FDFT1: variants seen among roughly 807,000 people sequenced by gnomAD.
The protein encoded by FDFT1 is farnesyl-diphosphate farnesyltransferase 1.
FDFT1 carries 68 observed loss-of-function variants against 46.8 expected under a neutral mutation model. The ratio of observed to expected loss-of-function variants is 1.45; its 90% CI spans 1.19 to 1.78. The LOEUF (loss-of-function observed/expected upper bound fraction) is 1.78. Among genes scored for constraint, FDFT1 ranks in the 40% most tolerant of loss-of-function variants. The probability of loss-of-function intolerance (pLI) is 0.00; values close to 1 mark genes in which losing one functional copy is unlikely to be tolerated. For missense variants in FDFT1, 928 were observed against 524.4 expected, an observed-to-expected ratio of 1.77 and a Z score of -7.52; for synonymous variants, 351 against 185.1, an observed-to-expected ratio of 1.90 and a Z score of -7.28.
intron 1 of FDFT1, among the ~76,000 whole-genome samples, chr8:11,805,490 T>C (rs190461041): frequency 2.2e-4 from 34 of 152,332 alleles, no homozygotes; most frequent in Admixed American, 5.9e-4. Context: ...TAGACTAATA[T>C]CTTAAGTCTG....
upstream of FDFT1, among the ~76,000 whole-genome samples, chr8:11,797,638 C>CA (rs34350077): frequency 0.41 from 30,898 of 75,630 alleles, 6,773 homozygotes; most frequent in Middle Eastern, 0.48. Context: ...CACACACACT[C>CA]AAAAAAAAAA....
At chr8:11,815,573 T>A (rs1371997413) in intron 3 of FDFT1, among the ~76,000 whole-genome samples, 1 of 152,256 alleles carries the variant, frequency 6.6e-6, no homozygotes, top group Non-Finnish European at 1.5e-5. Flanking sequence ...GTAACTGGCT[T>A]GAGATGGTAT....
intron 3 of FDFT1, among the ~76,000 whole-genome samples, chr8:11,815,703 C>T (rs1808349967): frequency 6.6e-6 from 1 of 152,142 alleles, no homozygotes; most frequent in South Asian, 2.1e-4. Context: ...CCTTTGCCCA[C>T]TTATTGATGG....
At chr8:11,812,785 T>C (rs1327493959) in intron 3 of FDFT1, among the ~76,000 whole-genome samples, 1 of 152,238 alleles carries the variant, frequency 6.6e-6, no homozygotes, top group African/African-American at 2.4e-5. Context: ...GTACAGTAGA[T>C]TGAACCTGAT....
upstream of FDFT1, chr8:11,801,821 G>T (rs1461310894): frequency 2.6e-6 from 1 of 379,580 alleles, no homozygotes; most frequent in African/African-American, 2.1e-5. Flanking sequence ...AGCCTCCGGA[G>T]TAGTTGGGAC....
At chr8:11,810,909 C>A (rs1298522) in intron 3 of FDFT1, among the ~76,000 whole-genome samples, 2 of 92,718 alleles carry the variant, frequency 2.2e-5, no homozygotes, top group Admixed American at 1.5e-4. Flanking sequence ...ATCTTTGATT[C>A]TTGGGCATAA....
chr8:11,809,910 G>A (rs941782921), intron 3 of FDFT1, 60 bp downstream of exon 3: 1 of 1,318,284 alleles, frequency 7.6e-7, no homozygotes, highest in Non-Finnish European at 1.1e-6. Flanking sequence ...TAACGTGGTT[G>A]TCCGGTAGCC....
intron 1 of FDFT1, chr8:11,808,495 A>C: frequency 7.5e-7 from 1 of 1,327,472 alleles, no homozygotes. Flanking sequence ...TGGAGGAAAA[A>C]CTCCGCGGGG....
At chr8:11,813,219 A>G (rs982033750) in intron 3 of FDFT1, among the ~76,000 whole-genome samples, 1 of 152,354 alleles carries the variant, frequency 6.6e-6, no homozygotes. Context: ...TATACAGTAC[A>G]TGAGCACGTA....
At chr8:11,813,416 T>G (rs556083931) in intron 3 of FDFT1, among the ~76,000 whole-genome samples, 1 of 152,330 alleles carries the variant, frequency 6.6e-6, no homozygotes, top group South Asian at 2.1e-4. Flanking sequence ...TGTTATTTGA[T>G]CTATAACATC....
intron 7 of FDFT1, among the ~76,000 whole-genome samples, chr8:11,836,666 C>A (rs1235022214): frequency 1.3e-5 from 2 of 152,238 alleles, no homozygotes; most frequent in African/African-American, 2.4e-5. Context: ...AGCAGTAAAG[C>A]AACATGGGCA....
chr8:11,806,974 T>G (rs1265171327), intron 1 of FDFT1, among the ~76,000 whole-genome samples: 1 of 152,202 alleles, frequency 6.6e-6, no homozygotes, highest in Admixed American at 6.5e-5. Flanking sequence ...TTATGTGATT[T>G]AAAAGATTGA....
intron 3 of FDFT1, among the ~76,000 whole-genome samples, chr8:11,814,498 A>G (rs1488388021): frequency 2.6e-5 from 4 of 152,168 alleles, no homozygotes; most frequent in South Asian, 2.1e-4. Flanking sequence ...CATACTTTCA[A>G]TGTTTAACCA....
At chr8:11,819,789 A>G (rs1015631963) in intron 3 of FDFT1, among the ~76,000 whole-genome samples, 1 of 152,072 alleles carries the variant, frequency 6.6e-6, no homozygotes, top group African/African-American at 2.4e-5. Context: ...ATCGGTCAGA[A>G]CGTGCTGCTT....
rs564104774 is a variant in FDFT1 at position 11,806,530 on chromosome 8, G to A, written c.100-2264G>A. Among the ~76,000 whole-genome samples, 21 of 152,258 alleles carry A rather than the reference G, an allele frequency of 1.4e-4. 1 individual carries two copies. In the South Asian group the frequency reaches 4.4e-3, roughly 32 times the overall value. The stretch of plus-strand genomic sequence containing the variant: ...TCTCTTTCAGAATGGAGGGCTGTAT[G>A]GAAAGGAGGGGTAGTGTTCTTGAAG... On this transcript the variant is annotated intron_variant, in intron 1 of 7. Transcript: ENST00000220584.
At chr8:11,799,862 C>T (rs192210391), upstream of FDFT1, among the ~76,000 whole-genome samples, 1 of 150,494 alleles carries the variant, frequency 6.6e-6, no homozygotes, top group East Asian at 2.0e-4. Flanking sequence ...AGGAGACTCA[C>T]TTGAACCTGG....
chr8:11,813,618 A>C (rs112955879), intron 3 of FDFT1, among the ~76,000 whole-genome samples: 2 of 152,128 alleles, frequency 1.3e-5, no homozygotes, highest in African/African-American at 4.8e-5. Flanking sequence ...TACTACCTCT[A>C]AGGTTTCTAA....
upstream of FDFT1, chr8:11,802,734 G>A: frequency 1.1e-6 from 1 of 911,798 alleles, no homozygotes; most frequent in South Asian, 1.5e-5. Context: ...TGTCCGGCCA[G>A]CCCCTCGAAG....
intron 1 of FDFT1, chr8:11,808,009 A>AGGAAACACAGGGGTGTGCG (rs1807083963): frequency 6.5e-6 from 1 of 152,756 alleles, no homozygotes; most frequent in East Asian, 1.9e-4. Flanking sequence ...AGGGGTGTGC[A>AGGAAACACAGGGGTGTGCG]TTCTTGCTGA....
Sources: gnomAD v4.1 joint callset for allele counts (sites outside exome capture counted in the v4.1 genomes callset) on GRCh38, gnomAD v4.1.1 for gene constraint, MANE v1.5 for transcripts, NCBI Gene and HGNC (gene_info 2026-07-23, HGNC 2026-07-21) for gene names.